Variants in PRKG1 observed in about 807,000 individuals in gnomAD.
PRKG1 encodes protein kinase cGMP-dependent 1.
In PRKG1, 35 loss-of-function variants were observed where a neutral mutation model predicts 88.1. That is an observed-to-expected ratio of 0.40 (90% CI 0.30 to 0.53). The LOEUF (loss-of-function observed/expected upper bound fraction) is 0.53, where lower values mean the gene tolerates loss of function less well. PRKG1 is among the 20% of genes least tolerant of loss of function. PRKG1 has a pLI of 0.59. For missense variants in PRKG1, 540 were observed against 839.8 expected (o/e 0.64, Z 4.41); for synonymous variants, 303 against 292.5 (o/e 1.04, Z -0.37).
At chr10:51,164,232 C>T (rs1472493690) in intron 2 of PRKG1, among the ~76,000 whole-genome samples, 1 of 152,142 alleles carries the variant, frequency 6.6e-6, no homozygotes, top group Non-Finnish European at 1.5e-5. Context: ...GCAGCATTCA[C>T]GGTTCACGAA....
intron 2 of PRKG1, among the ~76,000 whole-genome samples, chr10:51,232,718 T>G (rs887629579): frequency 6.6e-5 from 10 of 152,070 alleles, no homozygotes; most frequent in African/African-American, 2.4e-4. Flanking sequence ...ATATATGACA[T>G]TATGTTTAAA....
chr10:51,356,261 T>C (rs922474041), intron 2 of PRKG1, among the ~76,000 whole-genome samples: 1 of 152,020 alleles, frequency 6.6e-6, no homozygotes, highest in African/African-American at 2.4e-5. Context: ...CTTCTTTTTC[T>C]TTTTTCTTCT....
intron 5 of PRKG1, among the ~76,000 whole-genome samples, chr10:52,043,782 A>T (rs1845801681): frequency 6.6e-6 from 1 of 151,970 alleles, no homozygotes; most frequent in South Asian, 2.1e-4. Context: ...ATGTATTGAA[A>T]CATCACATTT....
chr10:51,288,272 C>CT (rs1589318410), intron 2 of PRKG1, among the ~76,000 whole-genome samples: 1 of 152,072 alleles, frequency 6.6e-6, no homozygotes, highest in South Asian at 2.1e-4. Flanking sequence ...TAAAATGCTA[C>CT]TTTTTTGTGG....
intron 3 of PRKG1, among the ~76,000 whole-genome samples, chr10:51,701,142 T>A (rs945573794): frequency 6.6e-6 from 1 of 152,242 alleles, no homozygotes; most frequent in African/African-American, 2.4e-5. Flanking sequence ...TTTACTTTTT[T>A]AAATGTGGCT....
intron 2 of PRKG1, among the ~76,000 whole-genome samples, chr10:51,397,437 A>T (rs1001199293): frequency 1.3e-5 from 2 of 152,070 alleles, no homozygotes; most frequent in Non-Finnish European, 2.9e-5. Context: ...GGTTCACTAA[A>T]CCTTGGCTGC....
At chr10:51,191,900 T>G (rs1446302928) in intron 2 of PRKG1, among the ~76,000 whole-genome samples, 1 of 151,796 alleles carries the variant, frequency 6.6e-6, no homozygotes, top group South Asian at 2.1e-4. Flanking sequence ...TCTACTTTAA[T>G]ACAAAATGAA....
At chr10:51,300,278 C>T (rs748459228) in intron 2 of PRKG1, among the ~76,000 whole-genome samples, 1 of 152,150 alleles carries the variant, frequency 6.6e-6, no homozygotes, top group South Asian at 2.1e-4. Flanking sequence ...AGCTTTTCTT[C>T]TCTTTGGTTT....
chr10:52,151,274 T>C (rs1458618033), intron 8 of PRKG1, among the ~76,000 whole-genome samples: 2 of 152,152 alleles, frequency 1.3e-5, no homozygotes, highest in African/African-American at 4.8e-5. Flanking sequence ...GTCGGTTTTT[T>C]CCTTCTGAAA....
intron 3 of PRKG1, among the ~76,000 whole-genome samples, chr10:51,630,350 A>G (rs1048692284): frequency 1.3e-5 from 2 of 152,172 alleles, no homozygotes; most frequent in African/African-American, 2.4e-5. Flanking sequence ...TTCTCAGCTA[A>G]CCAGCATTTT....
chr10:51,762,762 C>T (rs1302544048), intron 3 of PRKG1, among the ~76,000 whole-genome samples: 1 of 152,188 alleles, frequency 6.6e-6, no homozygotes, highest in East Asian at 1.9e-4. Flanking sequence ...TTAGTCTCCC[C>T]CTCAAAGAAC....
At chr10:52,160,095 C>T (rs1312649875) in intron 8 of PRKG1, among the ~76,000 whole-genome samples, 1 of 151,546 alleles carries the variant, frequency 6.6e-6, no homozygotes, top group Non-Finnish European at 1.5e-5. Context: ...TAAAAAACCC[C>T]CAGAAAATTA....
chr10:51,855,675 A>G (rs1840662517), intron 4 of PRKG1, among the ~76,000 whole-genome samples: 1 of 152,210 alleles, frequency 6.6e-6, no homozygotes, highest in Non-Finnish European at 1.5e-5. Context: ...AAATAAGGTG[A>G]CCAATTGTCT....
At chr10:51,974,128 A>G (rs897339063) in intron 5 of PRKG1, among the ~76,000 whole-genome samples, 2 of 152,116 alleles carry the variant, frequency 1.3e-5, no homozygotes, top group African/African-American at 4.8e-5. Flanking sequence ...CTGGTCATTT[A>G]TGGAAAAAGT....
intron 3 of PRKG1, among the ~76,000 whole-genome samples, chr10:51,477,025 C>CT: frequency 6.6e-6 from 1 of 152,054 alleles, no homozygotes; most frequent in African/African-American, 2.4e-5. Flanking sequence ...AAGAAACTTC[C>CT]TTAAGGTCAC....
At chr10:51,004,202 G>A (rs1160812826) in intron 1 of PRKG1, among the ~76,000 whole-genome samples, 1 of 152,122 alleles carries the variant, frequency 6.6e-6, no homozygotes, top group East Asian at 1.9e-4. Flanking sequence ...GGTGGCTCAT[G>A]CCTATAATAC....
intron 4 of PRKG1, among the ~76,000 whole-genome samples, chr10:51,885,780 T>C (rs185591247): frequency 6.6e-5 from 10 of 152,342 alleles, no homozygotes; most frequent in Admixed American, 6.5e-4. Flanking sequence ...ATTCCTTTCC[T>C]GACTTCTCCT....
chr10:51,967,252 TC>T (rs1843592502), intron 5 of PRKG1, among the ~76,000 whole-genome samples: 1 of 152,164 alleles, frequency 6.6e-6, no homozygotes, highest in Admixed American at 6.5e-5. Flanking sequence ...TGAGTTCATG[TC>T]CTTTGTAGGG....
At chr10:51,065,760 G>T (rs1360877035) in intron 1 of PRKG1, among the ~76,000 whole-genome samples, 4 of 152,026 alleles carry the variant, frequency 2.6e-5, no homozygotes, top group Non-Finnish European at 5.9e-5. Context: ...CCTGTTCTAG[G>T]TGTTGATGAA....
Sources: gnomAD v4.1 joint callset for allele counts (sites outside exome capture counted in the v4.1 genomes callset) on GRCh38, gnomAD v4.1.1 for gene constraint, MANE v1.5 for transcripts, NCBI Gene and HGNC (gene_info 2026-07-23, HGNC 2026-07-21) for gene names.